The following CLK2 variants were observed in gnomAD, a reference collection of about 807,000 sequenced individuals.
CLK2 encodes the protein dual specificity protein kinase CLK2.
CLK2 carries 12 observed loss-of-function variants against 73.5 expected under a neutral mutation model. That is an observed-to-expected ratio of 0.16 (90% CI 0.10 to 0.26). The LOEUF is 0.26. Among genes scored for constraint, CLK2 ranks in the 10% least tolerant of loss-of-function variants. The pLI is 1.00. For synonymous variants in CLK2, 232 were observed against 237.9 expected (o/e 0.98, Z 0.23); for missense variants, 509 against 688.4 (o/e 0.74, Z 2.92).
At chr1:155,265,167 G>A (rs1673167258) in intron 8 of CLK2, among the ~76,000 whole-genome samples, 1 of 152,160 alleles carries the variant, frequency 6.6e-6, no homozygotes, top group Non-Finnish European at 1.5e-5. Context: ...GTAACATGTA[G>A]CAAAGGGGTC....
intron 2 of CLK2, 88 bp downstream of exon 2, chr1:155,270,720 T>G: frequency 7.1e-7 from 1 of 1,418,296 alleles, no homozygotes; most frequent in South Asian, 1.3e-5. Context: ...CTTAAGGCAA[T>G]GGTTTTAGCA....
At chr1:155,266,136 T>C (rs1673222586) in intron 7 of CLK2, among the ~76,000 whole-genome samples, 182 bp from the exon 8 acceptor site, 1 of 151,378 alleles carries the variant, frequency 6.6e-6, no homozygotes, top group Non-Finnish European at 1.5e-5. Flanking sequence ...CTCTTTCTAA[T>C]GTAAGATACA....
chr1:155,265,030 A>G (rs1076556), intron 8 of CLK2, among the ~76,000 whole-genome samples: 58,496 of 151,982 alleles, frequency 0.38, 13,503 homozygotes, highest in East Asian at 0.71. Context: ...CTCAAGTGCC[A>G]GATATATAGT....
intron 9 of CLK2, 22 bp downstream of exon 9, chr1:155,264,623 G>C (rs1320168438): frequency 6.2e-7 from 1 of 1,614,064 alleles, no homozygotes; most frequent in Admixed American, 1.7e-5. Context: ...TCACACACTT[G>C]GACAGCCTTG....
At chr1:155,265,036 ATAGT>A (rs199775545) in intron 8 of CLK2, among the ~76,000 whole-genome samples, 2,530 of 152,366 alleles carry the variant, frequency 0.017, 32 homozygotes, top group Non-Finnish European at 0.03. Flanking sequence ...TGCCAGATAT[ATAGT>A]TATTCTGAAA....
intron 1 of CLK2, 111 bp from the exon 2 acceptor site, chr1:155,271,088 C>G (rs1208628669): frequency 1.8e-6 from 2 of 1,124,142 alleles, no homozygotes; most frequent in East Asian, 4.8e-5. Context: ...ATTTCTGCCT[C>G]TTTTTACCAG....
At chr1:155,271,069 T>C in intron 1 of CLK2, 92 bp from the exon 2 acceptor site, 1 of 1,303,082 alleles carries the variant, frequency 7.7e-7, no homozygotes, top group South Asian at 1.3e-5. Flanking sequence ...TAAGCTGCTT[T>C]CCCCTCTTAT....
At chr1:155,271,922 G>A (rs367637619) in intron 1 of CLK2, among the ~76,000 whole-genome samples, 2 of 152,062 alleles carry the variant, frequency 1.3e-5, no homozygotes, top group South Asian at 2.1e-4. Flanking sequence ...TCTCCCTTGA[G>A]AGGTTTTAAT....
At chr1:155,270,210 A>C (rs1402779239) in intron 2 of CLK2, among the ~76,000 whole-genome samples, 3 of 151,906 alleles carry the variant, frequency 2.0e-5, no homozygotes, top group East Asian at 3.9e-4. Context: ...ATACAAAAAA[A>C]AAAAAAAAAA....
intron 7 of CLK2, 67 bp from the exon 8 acceptor site, chr1:155,266,021 C>G: frequency 1.8e-6 from 2 of 1,093,774 alleles, no homozygotes; most frequent in South Asian, 2.5e-5. Flanking sequence ...CAGCTGACCC[C>G]AGGCCTGGTT....
At chr1:155,264,589 A>T (rs771413195) in intron 9 of CLK2, 39 bp from the exon 10 acceptor site, 1 of 1,614,114 alleles carries the variant, frequency 6.2e-7, no homozygotes, top group African/African-American at 1.3e-5. Context: ...TATGAGGCTT[A>T]GGTGGCCCCA....
At chr1:155,269,031 G>C in intron 3 of CLK2, 2 of 604,258 alleles carry the variant, frequency 3.3e-6, no homozygotes, top group South Asian at 1.9e-5. Flanking sequence ...GAGAGGCATG[G>C]GCAGAGCAGA....
intron 6 of CLK2, among the ~76,000 whole-genome samples, chr1:155,267,383 C>A (rs1347832762): frequency 2.0e-5 from 3 of 152,184 alleles, no homozygotes; most frequent in Non-Finnish European, 4.4e-5. Flanking sequence ...AGCCACCATG[C>A]CCAGCCCAAG....
intron 3 of CLK2, chr1:155,269,215 G>A: frequency 1.7e-6 from 1 of 592,050 alleles, no homozygotes; most frequent in Non-Finnish European, 3.0e-6. Flanking sequence ...AAAGAGTGGA[G>A]GCCGCTGGGG....
intron 8 of CLK2, among the ~76,000 whole-genome samples, chr1:155,265,129 T>G (rs1333549502): frequency 6.6e-6 from 1 of 152,144 alleles, no homozygotes. Context: ...AAATGTAACA[T>G]GTAGCAAAGG....
chr1:155,272,527 A>T (rs902082465), intron 1 of CLK2, among the ~76,000 whole-genome samples: 1 of 152,198 alleles, frequency 6.6e-6, no homozygotes, highest in Non-Finnish European at 1.5e-5. Flanking sequence ...GGTGTATGAG[A>T]ATCGCGTATG....
intron 11 of CLK2, 88 bp downstream of exon 11, chr1:155,264,133 T>C: frequency 6.4e-7 from 1 of 1,561,436 alleles, no homozygotes; most frequent in South Asian, 1.1e-5. Context: ...GGAGAGGAGG[T>C]ATCAAAGAAA....
intron 7 of CLK2, among the ~76,000 whole-genome samples, 188 bp from the exon 8 acceptor site, chr1:155,266,142 A>G (rs1445526713): frequency 6.7e-6 from 1 of 149,994 alleles, no homozygotes; most frequent in Non-Finnish European, 1.5e-5. Flanking sequence ...CTAATGTAAG[A>G]TACATATGTA....
intron 3 of CLK2, chr1:155,269,284 C>A: frequency 4.9e-6 from 3 of 608,948 alleles, no homozygotes; most frequent in South Asian, 2.0e-5. Flanking sequence ...CTGGGGGTCA[C>A]AAATGCTCCG....
Sources: gnomAD v4.1 joint callset for allele counts (sites outside exome capture counted in the v4.1 genomes callset) on GRCh38, gnomAD v4.1.1 for gene constraint, MANE v1.5 for transcripts, NCBI Gene and HGNC (gene_info 2026-07-23, HGNC 2026-07-21) for gene names.